PTPN9: variants seen among roughly 807,000 people sequenced by gnomAD.
PTPN9 encodes protein tyrosine phosphatase non-receptor type 9, also known as tyrosine-protein phosphatase non-receptor type 9.
In PTPN9, 26 loss-of-function variants were observed where a neutral mutation model predicts 69.8. The observed-to-expected ratio is 0.37, with a 90% CI of 0.27 to 0.52. The LOEUF is 0.52. PTPN9 is among the 20% of genes least tolerant of loss of function. PTPN9 has a pLI of 0.91. For missense variants in PTPN9, 549 were observed against 740.3 expected, an observed-to-expected ratio of 0.74 and a Z score of 3.00; for synonymous variants, 274 against 272.5, an observed-to-expected ratio of 1.01 and a Z score of -0.05.
chr15:75,536,593 T>C (rs1567510269), intron 1 of PTPN9, among the ~76,000 whole-genome samples: 1 of 152,166 alleles, frequency 6.6e-6, no homozygotes, highest in Non-Finnish European at 1.5e-5. Flanking sequence ...ACAGGGCTTA[T>C]TGGGGATATC....
In PTPN9 at chr15:75,575,211, GATCCGCCCGCCTCTGCCTCCC is replaced by G. The variant is rs2075166558; in HGVS notation, c.63+3482_63+3502del. 1.1e-3 allele frequency among the ~76,000 whole-genome samples: 35 copies of G among 31,520 alleles called. 11 individuals are homozygous for G. The highest frequency in any genetic ancestry group is 5.3e-3 in the African/African-American group (13 of 2,468). 20.7% of individuals were successfully genotyped at this position (31,520 alleles called of 152,430 possible). The stretch of plus-strand genomic sequence containing the variant: ...GATGGTCTCGATCTCCTGACCTCAT[GATCCGCCCGCCTCTGCCTCCC>G]AAAGTGCTGGGATTACAGGCGTGAG... On this transcript the variant is annotated intron_variant, in intron 1 of 12. Coordinates refer to ENST00000618819, the MANE Select transcript of PTPN9 (RefSeq NM_002833.4).
chr15:75,508,255 A>G (rs1248127351), intron 6 of PTPN9, among the ~76,000 whole-genome samples: 1 of 152,056 alleles, frequency 6.6e-6, no homozygotes, highest in East Asian at 1.9e-4. Context: ...GCGGGGTCTC[A>G]CTGTGTTGCC....
intron 1 of PTPN9, among the ~76,000 whole-genome samples, chr15:75,558,666 C>G (rs1036343305): frequency 3.3e-5 from 5 of 152,316 alleles, no homozygotes; most frequent in African/African-American, 9.6e-5. Context: ...GTGCCTGCGA[C>G]TGCAGGCGCG....
At chr15:75,471,643 C>T (rs530989956) in intron 10 of PTPN9, among the ~76,000 whole-genome samples, 1 of 150,506 alleles carries the variant, frequency 6.6e-6, no homozygotes, top group East Asian at 2.0e-4. Flanking sequence ...AGGCCAGGCG[C>T]AGTGACTCAT....
intron 9 of PTPN9, among the ~76,000 whole-genome samples, chr15:75,476,354 G>A (rs1223312453): frequency 1.3e-5 from 2 of 151,978 alleles, no homozygotes; most frequent in Admixed American, 6.6e-5. Flanking sequence ...TCACTCTGTC[G>A]CCCAGGCTGG....
At chr15:75,548,094 G>A (rs190438784) in intron 1 of PTPN9, among the ~76,000 whole-genome samples, 3 of 152,006 alleles carry the variant, frequency 2.0e-5, no homozygotes, top group African/African-American at 7.2e-5. Flanking sequence ...AACAGATTTC[G>A]AACTGTTAGG....
At chr15:75,577,909 C>G (rs138967300) in intron 1 of PTPN9, among the ~76,000 whole-genome samples, 425 of 152,304 alleles carry the variant, frequency 2.8e-3, no homozygotes, top group Non-Finnish European at 3.9e-3. Context: ...TCCCATCTTC[C>G]TCAGGAGTGG....
At chr15:75,547,402 C>G (rs12439037) in intron 1 of PTPN9, among the ~76,000 whole-genome samples, 150,118 of 151,644 alleles carry the variant, frequency 0.99, 74,340 homozygotes, top group Middle Eastern at 1. Flanking sequence ...TTCAAGACCA[C>G]CCTGGCCAAC....
At chr15:75,517,421 T>C in intron 4 of PTPN9, 57 bp from the exon 5 acceptor site, 2 of 1,444,912 alleles carry the variant, frequency 1.4e-6, no homozygotes, top group Non-Finnish European at 1.9e-6. Flanking sequence ...ATGAGGCAGG[T>C]TGAAAGCCTA....
chr15:75,550,114 A>G (rs984669059), intron 1 of PTPN9, among the ~76,000 whole-genome samples: 12 of 152,040 alleles, frequency 7.9e-5, no homozygotes, highest in African/African-American at 2.9e-4. Flanking sequence ...CAGAGACCCT[A>G]ACAATCTGAC....
At chr15:75,505,573 G>C in intron 7 of PTPN9, 102 bp downstream of exon 7, 1 of 806,232 alleles carries the variant, frequency 1.2e-6, no homozygotes, top group Non-Finnish European at 2.0e-6. Flanking sequence ...CTAACATAAG[G>C]AAGGGTCTCT....
chr15:75,549,054 G>A (rs971522469), intron 1 of PTPN9, among the ~76,000 whole-genome samples: 4 of 151,964 alleles, frequency 2.6e-5, no homozygotes, highest in African/African-American at 9.7e-5. Context: ...AAACTCCTGG[G>A]CTCAAGCAAT....
intron 7 of PTPN9, among the ~76,000 whole-genome samples, chr15:75,494,153 TATAA>T (rs942801289): frequency 3.7e-4 from 51 of 136,444 alleles, no homozygotes; most frequent in African/African-American, 9.5e-4. Flanking sequence ...TATATATATA[TATAA>T]AATCTATATA....
intron 1 of PTPN9, among the ~76,000 whole-genome samples, chr15:75,570,973 G>A (rs938910116): frequency 5.3e-5 from 8 of 151,834 alleles, no homozygotes; most frequent in Admixed American, 3.3e-4. Flanking sequence ...ATTCAAAAAC[G>A]ATGAGGACGG....
intron 1 of PTPN9, among the ~76,000 whole-genome samples, chr15:75,574,602 A>C (rs2075163017): frequency 6.6e-6 from 1 of 152,134 alleles, no homozygotes; most frequent in Non-Finnish European, 1.5e-5. Flanking sequence ...GATTCATATG[A>C]CTGTACAGAA....
In PTPN9 at chr15:75,477,190, T is replaced by C. The variant is rs2074600905; in HGVS notation, c.1129+2658A>G. On this transcript the variant is annotated intron_variant, in intron 9 of 12. Coordinates refer to ENST00000618819, the MANE Select transcript of PTPN9 (RefSeq NM_002833.4). Reference sequence around the variant, plus strand: ...CCAAGGTCACGTAAACTTTTGGGTTTCAGTTTGCTCATCTATAAATTAATA... The same window carrying C: ...CCAAGGTCACGTAAACTTTTGGGTTCCAGTTTGCTCATCTATAAATTAATA... Among the ~76,000 whole-genome samples the C allele has an allele frequency of 2.0e-5, 3 of 152,360 alleles. No homozygotes were observed. In the South Asian group the frequency reaches 6.2e-4, roughly 32 times the overall value.
chr15:75,486,574 G>A (rs1348716112), intron 8 of PTPN9, among the ~76,000 whole-genome samples: 1 of 152,086 alleles, frequency 6.6e-6, no homozygotes, highest in East Asian at 1.9e-4. Flanking sequence ...TTTTGTTACA[G>A]CAGCCCAAAC....
At position 75,466,049 on chromosome 15, in the gene PTPN9, G is replaced by A. The variant is rs955626528; in HGVS notation, c.*2720C>T. On this transcript the variant is annotated 3_prime_UTR_variant, in exon 13 of 13. Coordinates refer to ENST00000618819, the MANE Select transcript of PTPN9 (RefSeq NM_002833.4). ...AGCTCCTGATTATGGTAAGAAACTC[G>A]ATAAAAATTTATTGGCAGATCAGAA... 1 of 152,214 alleles carries A rather than the reference G, an allele frequency of 6.6e-6. No homozygotes were observed. Among genetic ancestry groups the A allele is most frequent in the South Asian group, 2.1e-4 (1 of 4,836 alleles). The allele number at this position is 152,214 out of a possible 1,614,324, so 9.4% of individuals were successfully genotyped here. A position where few individuals can be genotyped will look rare whatever the true frequency, so the allele number is the denominator to read the frequency against.
chr15:75,477,361 G>A (rs62027165), intron 9 of PTPN9, among the ~76,000 whole-genome samples: 2 of 152,256 alleles, frequency 1.3e-5, no homozygotes, highest in African/African-American at 2.4e-5. Flanking sequence ...TTGGGAGGCC[G>A]AGGTAGGCAG....
Sources: gnomAD v4.1 joint callset for allele counts (sites outside exome capture counted in the v4.1 genomes callset) on GRCh38, gnomAD v4.1.1 for gene constraint, MANE v1.5 for transcripts, NCBI Gene and HGNC (gene_info 2026-07-23, HGNC 2026-07-21) for gene names.